The following IL19 variants were observed in gnomAD, a reference collection of about 807,000 sequenced individuals.
IL19 encodes interleukin 19.
A neutral mutation model predicts 19.5 loss-of-function variants in IL19; 15 were observed. The observed-to-expected ratio is 0.77, with a 90% CI of 0.52 to 1.19. The LOEUF (loss-of-function observed/expected upper bound fraction) is 1.19. Ranked by LOEUF, IL19 falls within the 50% of genes most tolerant of loss-of-function variation. The pLI, the probability that IL19 is intolerant of heterozygous loss-of-function variation, is 0.00. For synonymous variants in IL19, 78 were observed against 78.3 expected, an observed-to-expected ratio of 1.00 and a Z score of 0.02; for missense variants, 199 against 213.1, an observed-to-expected ratio of 0.93 and a Z score of 0.41.
In IL19 at chr1:206,822,948, G is replaced by T. The variant is rs967177669; in HGVS notation, c.-2-13713G>T. On this transcript the variant is annotated intron_variant, in intron 2 of 6. Transcript: ENST00000659997. ...CTTTTTCTTTCTTTTTTTTTTGTTT[G>T]AAATGAAGTCTCACTCTGTTGCCTG... Among the ~76,000 whole-genome samples, 13 of 150,902 alleles carry T rather than the reference G, an allele frequency of 8.6e-5. No homozygotes were observed. The South Asian group carries it at 2.7e-3, about 32-fold the overall frequency.
At chr1:206,807,632 T>C (rs3950619) in intron 2 of IL19, among the ~76,000 whole-genome samples, 89,270 of 152,036 alleles carry the variant, frequency 0.59, 27,147 homozygotes, top group East Asian at 0.9. Flanking sequence ...GCACCCTTAT[T>C]TCAGACCACT....
chr1:206,821,426 G>A (rs189949979), intron 2 of IL19, among the ~76,000 whole-genome samples: 1 of 152,328 alleles, frequency 6.6e-6, no homozygotes, highest in Non-Finnish European at 1.5e-5. Flanking sequence ...TACGATGCTT[G>A]CGGCTTTCAG....
chr1:206,816,842 A>C (rs759356964), intron 2 of IL19, among the ~76,000 whole-genome samples: 1 of 152,232 alleles, frequency 6.6e-6, no homozygotes, highest in Non-Finnish European at 1.5e-5. Flanking sequence ...CAGAAAATGG[A>C]GAAAGATATA....
intron 2 of IL19, among the ~76,000 whole-genome samples, chr1:206,814,416 C>A (rs553409556): frequency 6.7e-6 from 1 of 150,072 alleles, no homozygotes; most frequent in Admixed American, 6.7e-5. Flanking sequence ...TTGGGCCTGG[C>A]GTGGTGGCTC....
intron 2 of IL19, among the ~76,000 whole-genome samples, chr1:206,822,744 G>A (rs1309312034): frequency 6.6e-6 from 1 of 152,100 alleles, no homozygotes; most frequent in Non-Finnish European, 1.5e-5. Context: ...TGTGGGGCCG[G>A]GAATATGCTG....
intron 1 of IL19, among the ~76,000 whole-genome samples, chr1:206,782,910 T>C (rs929565469): frequency 3.3e-5 from 5 of 152,330 alleles, no homozygotes; most frequent in African/African-American, 1.2e-4. Context: ...GCTTAGTCTT[T>C]GGTAACTCTT....
chr1:206,784,985 G>A (rs1008189964), intron 1 of IL19, among the ~76,000 whole-genome samples: 2 of 152,188 alleles, frequency 1.3e-5, no homozygotes, highest in Non-Finnish European at 2.9e-5. Flanking sequence ...AGCACAGTGA[G>A]GCCAGTCTGG....
chr1:206,802,698 A>T (rs1374715015), intron 2 of IL19, among the ~76,000 whole-genome samples: 1 of 151,854 alleles, frequency 6.6e-6, no homozygotes, highest in South Asian at 2.1e-4. Flanking sequence ...GCCATGGGCA[A>T]GTTCCAAGCC....
At chr1:206,824,676 A>G (rs1676386664) in intron 2 of IL19, among the ~76,000 whole-genome samples, 1 of 152,230 alleles carries the variant, frequency 6.6e-6, no homozygotes, top group African/African-American at 2.4e-5. Flanking sequence ...ATTTCTCCGG[A>G]TGAGGAAACT....
rs569399482 is a variant in IL19 at position 206,771,095 on chromosome 1, C to T, written c.-149+17C>T. On this transcript the variant is annotated intron_variant, in intron 1 of 6. Coordinates refer to ENST00000659997, the MANE Select transcript of IL19 (RefSeq NM_153758.5). ...GAGCCAAAGGTGAGTGAGAGATTGG[C>T]GGAGGTGGCTGGGAGGAGGGGCTGC... 1.3e-5 allele frequency: 21 copies of T among 1,612,594 alleles called. No homozygotes were observed. The highest frequency in any genetic ancestry group is 1.0e-4 in the Admixed American group (6 of 59,998).
intron 2 of IL19, among the ~76,000 whole-genome samples, chr1:206,817,061 T>C (rs540934379): frequency 6.6e-6 from 1 of 152,240 alleles, no homozygotes; most frequent in East Asian, 1.9e-4. Context: ...TGAAACTCCC[T>C]TGGCTTCTGA....
chr1:206,778,563 T>C (rs1675061699), intron 1 of IL19, among the ~76,000 whole-genome samples: 2 of 152,312 alleles, frequency 1.3e-5, no homozygotes, highest in South Asian at 4.1e-4. Context: ...AAGTGACTTC[T>C]GCAGTCACAC....
intron 1 of IL19, among the ~76,000 whole-genome samples, chr1:206,779,015 C>G (rs924927863): frequency 3.3e-5 from 5 of 152,094 alleles, no homozygotes; most frequent in African/African-American, 4.8e-5. Flanking sequence ...GGGAGATGTC[C>G]GGGGTCCAGG....
intron 1 of IL19, among the ~76,000 whole-genome samples, chr1:206,793,937 G>T (rs1675462599): frequency 6.6e-6 from 1 of 152,282 alleles, no homozygotes; most frequent in Non-Finnish European, 1.5e-5. Flanking sequence ...GGAGGTGTGG[G>T]TGGAAGCCTG....
intron 2 of IL19, among the ~76,000 whole-genome samples, chr1:206,814,690 T>TCACACACACA (rs34474731): frequency 2.1e-3 from 292 of 140,560 alleles, no homozygotes; most frequent in East Asian, 0.017. Flanking sequence ...TGAAACTCTG[T>TCACACACACA]CACACACACA....
At chr1:206,803,254 G>T (rs1675762545) in intron 2 of IL19, among the ~76,000 whole-genome samples, 1 of 152,166 alleles carries the variant, frequency 6.6e-6, no homozygotes, top group African/African-American at 2.4e-5. Flanking sequence ...AGAACTTGGG[G>T]TGCCAGGAAG....
At chr1:206,782,203 C>T (rs922912873) in intron 1 of IL19, among the ~76,000 whole-genome samples, 3 of 151,776 alleles carry the variant, frequency 2.0e-5, no homozygotes, top group African/African-American at 7.3e-5. Flanking sequence ...AACTATTTTC[C>T]AAACCAAAAC....
At chr1:206,797,601 C>T (rs1164246734) in intron 1 of IL19, among the ~76,000 whole-genome samples, 2 of 152,096 alleles carry the variant, frequency 1.3e-5, no homozygotes, top group East Asian at 1.9e-4. Context: ...GAAACATTGC[C>T]CTTTAAATGG....
intron 5 of IL19, 78 bp downstream of exon 5, chr1:206,840,080 G>T: frequency 6.7e-7 from 1 of 1,497,234 alleles, no homozygotes; most frequent in Non-Finnish European, 9.3e-7. Context: ...GCCCCCATCG[G>T]CCTCCTGATA....
Sources: allele counts gnomAD v4.1 joint callset (sites outside exome capture counted in the v4.1 genomes callset), GRCh38; gene constraint gnomAD v4.1.1; transcripts MANE v1.5; gene names NCBI Gene and HGNC (gene_info 2026-07-23, HGNC 2026-07-21).